The following CDKL3 variants were observed in gnomAD, a reference collection of about 807,000 sequenced individuals.
The protein encoded by CDKL3 is cyclin dependent kinase like 3.
Under a neutral mutation model 69.3 loss-of-function variants are expected in CDKL3, and 65 were observed. The observed-to-expected ratio is 0.94, with a 90% CI of 0.77 to 1.15. CDKL3 has a LOEUF of 1.15. Among genes scored for constraint, CDKL3 ranks in the 50% most tolerant of loss-of-function variants. The probability of loss-of-function intolerance (pLI) is 0.00; values close to 1 mark genes in which losing one functional copy is unlikely to be tolerated. For synonymous variants in CDKL3, 202 were observed against 221.6 expected (o/e 0.91, Z 0.79); for missense variants, 652 against 689.2 (o/e 0.95, Z 0.61).
At chr5:134,320,486 G>C (rs1194192684) in intron 5 of CDKL3, among the ~76,000 whole-genome samples, 1 of 152,026 alleles carries the variant, frequency 6.6e-6, no homozygotes, top group Non-Finnish European at 1.5e-5. Context: ...GCTGAGGTGG[G>C]AGAATCACCT....
intron 2 of CDKL3, among the ~76,000 whole-genome samples, chr5:134,365,830 T>C (rs1757272117): frequency 6.6e-6 from 1 of 152,232 alleles, no homozygotes; most frequent in Non-Finnish European, 1.5e-5. Context: ...GAGTTTATGT[T>C]GTTCCTCTAA....
chr5:134,291,419 C>T (rs945185416), intron 8 of CDKL3, among the ~76,000 whole-genome samples: 2 of 152,104 alleles, frequency 1.3e-5, no homozygotes, highest in African/African-American at 2.4e-5. Flanking sequence ...GTGTGAACTA[C>T]GAAACATCAT....
chr5:134,310,516 C>A (rs988538885), intron 7 of CDKL3, among the ~76,000 whole-genome samples: 16 of 151,728 alleles, frequency 1.1e-4, no homozygotes, highest in African/African-American at 2.2e-4. Flanking sequence ...GAGACGGAGT[C>A]TGGCTCTGTC....
chr5:134,361,056 C>T (rs1246909346), intron 2 of CDKL3, among the ~76,000 whole-genome samples: 1 of 152,128 alleles, frequency 6.6e-6, no homozygotes, highest in African/African-American at 2.4e-5. Flanking sequence ...AGACTGGCAA[C>T]AATTATTGCT....
intron 6 of CDKL3, 156 bp downstream of exon 6, chr5:134,319,202 G>T: frequency 4.1e-6 from 2 of 492,034 alleles, no homozygotes; most frequent in East Asian, 7.7e-5. Context: ...ATGGTGGCAG[G>T]TGCCTGTAAT....
chr5:134,360,309 A>G (rs940808338), intron 2 of CDKL3, among the ~76,000 whole-genome samples: 8 of 152,126 alleles, frequency 5.3e-5, no homozygotes, highest in Non-Finnish European at 1.0e-4. Context: ...ATTTCAATCA[A>G]TCCTCCTGCC....
chr5:134,315,169 T>C (rs1770669275), intron 6 of CDKL3, among the ~76,000 whole-genome samples: 1 of 152,010 alleles, frequency 6.6e-6, no homozygotes, highest in African/African-American at 2.4e-5. Context: ...GCATTTTGTC[T>C]ATGATAAATG....
chr5:134,311,710 T>C (rs1413923018), intron 7 of CDKL3, among the ~76,000 whole-genome samples: 1 of 152,206 alleles, frequency 6.6e-6, no homozygotes, highest in African/African-American at 2.4e-5. Flanking sequence ...ACACTGAAAC[T>C]GTAGTATGTA....
Position 134,366,997 on chromosome 5 carries a change from C to A in CDKL3, c.-42G>T. The A allele has an allele frequency of 1.0e-6, 1 of 989,394 alleles. No individual in the cohort carries two copies. The highest frequency in any genetic ancestry group is 1.2e-6 in the Non-Finnish European group (1 of 832,648). The allele number at this position is 989,394 out of a possible 1,614,324, so 61.3% of individuals were successfully genotyped here. A position where few individuals can be genotyped will look rare whatever the true frequency, so the allele number is the denominator to read the frequency against. The stretch of plus-strand genomic sequence containing the variant: ...CGGACCGGCGTCACGCCCCACGTCC[C>A]GCTGTTGACTTTATCCAAACAGCCG... On this transcript the variant is annotated 5_prime_UTR_variant, in exon 1 of 13. Transcript: ENST00000265334.
At chr5:134,290,248 G>A (rs1272583439) in intron 8 of CDKL3, among the ~76,000 whole-genome samples, 1 of 151,584 alleles carries the variant, frequency 6.6e-6, no homozygotes, top group African/African-American at 2.4e-5. Context: ...CAGGTACTCG[G>A]GAGACTGAGG....
intron 7 of CDKL3, 148 bp downstream of exon 7, chr5:134,312,144 T>C (rs1367871914): frequency 1.6e-6 from 1 of 614,552 alleles, no homozygotes; most frequent in African/African-American, 1.9e-5. Context: ...GCTGTCTTCC[T>C]AGTCAATACC....
downstream of CDKL3, among the ~76,000 whole-genome samples, chr5:134,283,698 G>A (rs1764728794): frequency 6.6e-6 from 1 of 151,874 alleles, no homozygotes; most frequent in African/African-American, 2.4e-5. Flanking sequence ...AATAAATCAT[G>A]CCCTCCCAAC....
chr5:134,326,281 G>A (rs1312167670), intron 4 of CDKL3, among the ~76,000 whole-genome samples: 1 of 152,046 alleles, frequency 6.6e-6, no homozygotes, highest in Non-Finnish European at 1.5e-5. Context: ...AAGAGCAATA[G>A]AAGACAGACC....
chr5:134,302,477 T>C (rs1456089034), intron 12 of CDKL3, 113 bp downstream of exon 12: 3 of 635,112 alleles, frequency 4.7e-6, no homozygotes, highest in African/African-American at 3.7e-5. Context: ...GTTCAAAGAT[T>C]ATAAAATTTT....
rs142248452 is a variant in CDKL3, at chr5:134,306,635, T to C, written c.1432A>G (p.Arg478Gly). ...TGAATAGGACCTGGATCCTCTTGCC[T>C]GCTATTAGGCATAACTTGTCCAATA... Reference protein sequence around the residue: ...QSIGQVMPNSRQEDPGPIQSQ... With the variant: ...QSIGQVMPNSGQEDPGPIQSQ... Residue 478 changes from arginine (R) to glycine (G), a missense_variant, in exon 10 of 13, where the codon AGG becomes GGG. Coordinates refer to ENST00000265334, the MANE Select transcript of CDKL3 (RefSeq NM_001113575.2). The C allele has an allele frequency of 0.012, 19,163 of 1,595,818 alleles. 166 individuals carry two copies. The highest frequency in any genetic ancestry group is 0.016 in the South Asian group (1,432 of 87,932).
chr5:134,317,400 C>T (rs913148286), intron 6 of CDKL3, among the ~76,000 whole-genome samples: 6 of 152,108 alleles, frequency 3.9e-5, no homozygotes, highest in East Asian at 1.9e-4. Context: ...GTGATCCACC[C>T]GCCTCAGCCT....
intron 3 of CDKL3, 143 bp downstream of exon 3, chr5:134,359,754 T>C (rs1264619501): frequency 3.1e-6 from 2 of 645,860 alleles, no homozygotes; most frequent in Admixed American, 3.5e-5. Context: ...TAGTGCCCCC[T>C]ATTCCCTATC....
At chr5:134,303,847 TTAAATAAA>T (rs550308231) in intron 11 of CDKL3, among the ~76,000 whole-genome samples, 5 of 151,974 alleles carry the variant, frequency 3.3e-5, no homozygotes, top group African/African-American at 7.2e-5. Flanking sequence ...AGACTCTGTC[TTAAATAAA>T]TAAATAAATA....
At chr5:134,328,355 C>T (rs1463342850) in intron 4 of CDKL3, among the ~76,000 whole-genome samples, 1 of 151,788 alleles carries the variant, frequency 6.6e-6, no homozygotes, top group Admixed American at 6.6e-5. Flanking sequence ...TAAAGAAGAA[C>T]CAAGTGGAAA....
Sources: allele counts gnomAD v4.1 joint callset (sites outside exome capture counted in the v4.1 genomes callset), GRCh38; gene constraint gnomAD v4.1.1; transcripts MANE v1.5; gene names NCBI Gene and HGNC (gene_info 2026-07-23, HGNC 2026-07-21).